Variants in LRP1B observed in about 807,000 individuals in gnomAD.
LRP1B encodes LDL receptor related protein 1B, also known as low-density lipoprotein receptor-related protein 1B.
A neutral mutation model predicts 556.6 loss-of-function variants in LRP1B; 217 were observed. The observed-to-expected ratio is 0.39, with a 90% CI of 0.35 to 0.44. The LOEUF is 0.44. LRP1B is among the 20% of genes least tolerant of loss of function. LRP1B has a pLI of 1.00. For missense variants in LRP1B, 5,053 were observed against 5,620.8 expected (o/e 0.90, Z 3.23); for synonymous variants, 2,047 against 1,865.8 (o/e 1.10, Z -2.50).
At chr2:140,376,294 T>C (rs1475605508) in intron 68 of LRP1B, among the ~76,000 whole-genome samples, 1 of 152,166 alleles carries the variant, frequency 6.6e-6, no homozygotes, top group Non-Finnish European at 1.5e-5. Flanking sequence ...GTAGTAGTAT[T>C]TGATTTCGCA....
chr2:141,433,819 G>C (rs535157111), intron 3 of LRP1B, among the ~76,000 whole-genome samples: 1 of 151,612 alleles, frequency 6.6e-6, no homozygotes, highest in Non-Finnish European at 1.5e-5. Flanking sequence ...AATTAGGGAA[G>C]CTTTCAGGTA....
intron 66 of LRP1B, among the ~76,000 whole-genome samples, chr2:140,419,343 A>C (rs1685335770): frequency 6.6e-6 from 1 of 152,244 alleles, no homozygotes; most frequent in African/African-American, 2.4e-5. Flanking sequence ...ACTAATACCC[A>C]GTTATAGTCA....
chr2:141,701,685 A>G (rs551952616), intron 2 of LRP1B, among the ~76,000 whole-genome samples: 3 of 151,948 alleles, frequency 2.0e-5, no homozygotes, highest in African/African-American at 7.2e-5. Context: ...TATTAATTTT[A>G]TTTTCAAAAC....
intron 87 of LRP1B, among the ~76,000 whole-genome samples, chr2:140,245,323 A>G (rs1426652136): frequency 1.3e-5 from 2 of 151,390 alleles, no homozygotes; most frequent in African/African-American, 4.8e-5. Context: ...TAACGGGAAC[A>G]CCTGGAGCAT....
At chr2:141,088,208 CTT>C (rs982660130) in intron 7 of LRP1B, among the ~76,000 whole-genome samples, 2 of 152,080 alleles carry the variant, frequency 1.3e-5, no homozygotes, top group Non-Finnish European at 2.9e-5. Flanking sequence ...GGAAGGGACT[CTT>C]ATTGCACGAA....
intron 11 of LRP1B, among the ~76,000 whole-genome samples, chr2:141,026,933 A>C (rs757064281): frequency 6.6e-6 from 1 of 152,120 alleles, no homozygotes; most frequent in Non-Finnish European, 1.5e-5. Context: ...ACTCACAAGG[A>C]CCTATGATTA....
intron 41 of LRP1B, among the ~76,000 whole-genome samples, chr2:140,664,612 C>G (rs1283849317): frequency 1.3e-5 from 2 of 152,006 alleles, no homozygotes; most frequent in East Asian, 1.9e-4. Flanking sequence ...ATTTTAGACT[C>G]TTATCAAAAT....
At chr2:142,082,734 G>A (rs1475086601) in intron 1 of LRP1B, among the ~76,000 whole-genome samples, 2 of 152,110 alleles carry the variant, frequency 1.3e-5, no homozygotes, top group Non-Finnish European at 2.9e-5. Context: ...AATACAAAAT[G>A]CAAAGAATCA....
At chr2:141,838,963 A>T (rs1055253628) in intron 1 of LRP1B, among the ~76,000 whole-genome samples, 1 of 152,156 alleles carries the variant, frequency 6.6e-6, no homozygotes, top group Non-Finnish European at 1.5e-5. Context: ...GAACTGTTGA[A>T]CCATTAATTA....
intron 1 of LRP1B, among the ~76,000 whole-genome samples, chr2:141,818,703 A>T (rs2105724946): frequency 1.3e-5 from 2 of 150,674 alleles, no homozygotes; most frequent in Non-Finnish European, 3.0e-5. Flanking sequence ...CACCTGGCTA[A>T]TTTTTTGTAT....
At chr2:141,312,746 TG>T (rs1265706599) in intron 3 of LRP1B, among the ~76,000 whole-genome samples, 1 of 152,052 alleles carries the variant, frequency 6.6e-6, no homozygotes, top group Non-Finnish European at 1.5e-5. Context: ...TGGAGTACAG[TG>T]GCACAATCTC....
chr2:140,882,745 G>A (rs1348650638), intron 25 of LRP1B, among the ~76,000 whole-genome samples: 1 of 152,128 alleles, frequency 6.6e-6, no homozygotes, highest in Non-Finnish European at 1.5e-5. Flanking sequence ...AAGTCAGAAG[G>A]TGTGGCCAGG....
chr2:140,368,084 A>C (rs1191651935), intron 71 of LRP1B, among the ~76,000 whole-genome samples: 1 of 151,810 alleles, frequency 6.6e-6, no homozygotes, highest in Non-Finnish European at 1.5e-5. Flanking sequence ...AAAAAAATGC[A>C]TCATGGGGCT....
intron 7 of LRP1B, among the ~76,000 whole-genome samples, chr2:141,098,615 G>A (rs1700380300): frequency 6.6e-6 from 1 of 152,086 alleles, no homozygotes; most frequent in Admixed American, 6.6e-5. Context: ...GATTAAAGGG[G>A]GAAAAATTCA....
chr2:140,867,022 A>G (rs1487575210), intron 27 of LRP1B, among the ~76,000 whole-genome samples: 1 of 152,114 alleles, frequency 6.6e-6, no homozygotes, highest in Non-Finnish European at 1.5e-5. Flanking sequence ...ATGAGGAAAA[A>G]GTATAAAAGG....
chr2:141,278,078 A>G (rs1685370405), intron 3 of LRP1B, among the ~76,000 whole-genome samples: 1 of 152,190 alleles, frequency 6.6e-6, no homozygotes, highest in African/African-American at 2.4e-5. Context: ...ATTCGTGAGC[A>G]TGAGTCAAAC....
chr2:140,543,897 A>G (rs1680226498), intron 43 of LRP1B, among the ~76,000 whole-genome samples: 1 of 152,054 alleles, frequency 6.6e-6, no homozygotes. Flanking sequence ...AACAATTGGA[A>G]ATTGAAATAG....
intron 7 of LRP1B, among the ~76,000 whole-genome samples, chr2:141,086,750 G>C (rs902213299): frequency 6.6e-5 from 10 of 151,736 alleles, no homozygotes; most frequent in African/African-American, 2.4e-4. Context: ...GTCCTGCAAG[G>C]GAAACCAACG....
At chr2:141,290,169 C>G (rs919068266) in intron 3 of LRP1B, among the ~76,000 whole-genome samples, 1 of 152,090 alleles carries the variant, frequency 6.6e-6, no homozygotes, top group African/African-American at 2.4e-5. Context: ...ATTTAAACAC[C>G]CTTTTATGGA....
Sources: allele counts gnomAD v4.1 joint callset (sites outside exome capture counted in the v4.1 genomes callset), GRCh38; gene constraint gnomAD v4.1.1; transcripts MANE v1.5; gene names NCBI Gene and HGNC (gene_info 2026-07-23, HGNC 2026-07-21).